GPC5: variants seen among roughly 807,000 people sequenced by gnomAD.
The protein encoded by GPC5 is glypican-5.
A neutral mutation model predicts 53.9 loss-of-function variants in GPC5; 47 were observed. The ratio of observed to expected loss-of-function variants is 0.87; its 90% confidence interval spans 0.69 to 1.11. GPC5 has a LOEUF of 1.11. Among genes scored for constraint, GPC5 ranks in the 50% most tolerant of loss-of-function variants. The probability of loss-of-function intolerance (pLI) is 0.00; values close to 1 mark genes in which losing one functional copy is unlikely to be tolerated. For missense variants in GPC5, 748 were observed against 713.1 expected (o/e 1.05, Z -0.56); for synonymous variants, 286 against 263.3 (o/e 1.09, Z -0.84).
intron 6 of GPC5, among the ~76,000 whole-genome samples, chr13:91,921,328 T>C (rs2039712018): frequency 6.6e-6 from 1 of 152,034 alleles, no homozygotes; most frequent in East Asian, 1.9e-4. Flanking sequence ...AAACATAACA[T>C]TGAATACATA....
At chr13:91,757,974 A>AT (rs1225487395) in intron 5 of GPC5, among the ~76,000 whole-genome samples, 2 of 152,174 alleles carry the variant, frequency 1.3e-5, no homozygotes, top group Non-Finnish European at 2.9e-5. Context: ...GTTAAAAGCT[A>AT]CATTCCTGAA....
chr13:92,303,337 A>C (rs542394413), intron 7 of GPC5, among the ~76,000 whole-genome samples: 1 of 152,224 alleles, frequency 6.6e-6, no homozygotes, highest in Non-Finnish European at 1.5e-5. Context: ...ATAACCAAAA[A>C]GGTTTAATGT....
chr13:91,832,637 C>A (rs181648050), intron 5 of GPC5, among the ~76,000 whole-genome samples: 1 of 151,538 alleles, frequency 6.6e-6, no homozygotes, highest in Non-Finnish European at 1.5e-5. Context: ...CTCTCCTGAA[C>A]GACTACTGGG....
intron 6 of GPC5, among the ~76,000 whole-genome samples, chr13:91,948,756 T>G (rs574427675): frequency 6.6e-6 from 1 of 152,350 alleles, no homozygotes; most frequent in Non-Finnish European, 1.5e-5. Flanking sequence ...TGTAACAAAC[T>G]GGGTTATATT....
Position 91,728,647 on chromosome 13 carries a change from C to A in GPC5, c.1136C>A (p.Thr379Lys). Residue 379 changes from threonine to lysine, a missense_variant, in exon 4 of 8, where the codon ACG becomes AAG. Thr to Lys is a moderately conservative substitution (Grantham distance 78, BLOSUM62 -1). Coordinates refer to ENST00000377067, the MANE Select transcript of GPC5 (RefSeq NM_004466.6). ...MKTTTRNSEE[T>K]LANRRKEFIN... ...ACCACCACAAGGAACAGTGAAGAGA[C>A]GCTTGCCAACAGAAGAAAGTAAGAC... The A allele has an allele frequency of 6.2e-7, 1 of 1,610,044 alleles. No individual in the cohort carries two copies. The highest frequency in any genetic ancestry group is 8.5e-7 in the Non-Finnish European group (1 of 1,178,040).
chr13:92,448,388 A>G (rs753030995), intron 7 of GPC5: 1 of 152,262 alleles, frequency 6.6e-6, no homozygotes, highest in South Asian at 2.1e-4. Flanking sequence ...GTGTGCTTAT[A>G]AAATGTACAT....
At chr13:91,518,779 T>G (rs771908729) in intron 2 of GPC5, among the ~76,000 whole-genome samples, 1 of 152,216 alleles carries the variant, frequency 6.6e-6, no homozygotes, top group African/African-American at 2.4e-5. Context: ...GGACTCGATC[T>G]CCTGACCTTG....
intron 7 of GPC5, among the ~76,000 whole-genome samples, chr13:92,486,977 T>C (rs567168956): frequency 2.4e-4 from 37 of 152,168 alleles, no homozygotes; most frequent in Admixed American, 2.3e-3. Context: ...TGTCTCAGCC[T>C]CTCAAGTAGC....
Position 92,473,350 on chromosome 13 carries a change from G to T in GPC5, c.1561+328361G>T, listed in dbSNP as rs189459379. 1.4e-3 allele frequency among the ~76,000 whole-genome samples: 212 copies of T among 152,172 alleles called. 1 individual carries two copies. The highest frequency in any genetic ancestry group is 4.9e-3 in the African/African-American group (205 of 41,562). Reference sequence around the variant, plus strand: ...TACTCGATCACACTGTTTCTCTTCAGCTCCAGTGTAGTGATTGAAGTCTTG... The same window carrying T: ...TACTCGATCACACTGTTTCTCTTCATCTCCAGTGTAGTGATTGAAGTCTTG... On this transcript the variant is annotated intron_variant, in intron 7 of 7. Coordinates refer to ENST00000377067, the MANE Select transcript of GPC5 (RefSeq NM_004466.6).
At chr13:91,803,781 G>GACAGAC (rs1555286643) in intron 5 of GPC5, among the ~76,000 whole-genome samples, 15 of 147,542 alleles carry the variant, frequency 1.0e-4, no homozygotes, top group African/African-American at 2.3e-4. Context: ...CAGACAGACA[G>GACAGAC]ACACACACAC....
intron 7 of GPC5, among the ~76,000 whole-genome samples, chr13:92,719,176 C>CCCA (rs930428211): frequency 6.6e-6 from 1 of 150,564 alleles, no homozygotes; most frequent in African/African-American, 2.4e-5. Context: ...AGCCCCCCCC[C>CCCA]ACATAATGAT....
At chr13:91,963,952 T>C (rs909642280) in intron 6 of GPC5, among the ~76,000 whole-genome samples, 4 of 152,126 alleles carry the variant, frequency 2.6e-5, no homozygotes, top group African/African-American at 9.7e-5. Flanking sequence ...TGGAAGACAG[T>C]GTGGGGATTC....
At chr13:92,820,312 C>T (rs763580465) in intron 7 of GPC5, among the ~76,000 whole-genome samples, 3 of 152,164 alleles carry the variant, frequency 2.0e-5, no homozygotes, top group Non-Finnish European at 4.4e-5. Context: ...CACATTTAAG[C>T]AATGATTACA....
At position 92,090,235 on chromosome 13, in the gene GPC5, T is replaced by C. The variant is rs531878307; in HGVS notation, c.1402-54595T>C. 2.0e-5 allele frequency among the ~76,000 whole-genome samples: 3 copies of C among 152,318 alleles called. No individual in the cohort carries two copies. In the South Asian group the frequency reaches 6.2e-4, roughly 32 times the overall value. ...GAAATATTTCTCTAGAGGCATAAAA[T>C]ATATTGCCATTTTTGAAAACCAGAT... is the stretch of plus-strand genomic sequence containing the variant. On this transcript the variant is annotated intron_variant, in intron 6 of 7. Transcript: ENST00000377067.
chr13:92,057,150 G>A (rs1485955006), intron 6 of GPC5, among the ~76,000 whole-genome samples: 1 of 152,150 alleles, frequency 6.6e-6, no homozygotes. Flanking sequence ...GATGGCAATA[G>A]ATTTGTGACT....
chr13:91,804,057 G>T (rs1195465303), intron 5 of GPC5, among the ~76,000 whole-genome samples: 1 of 149,490 alleles, frequency 6.7e-6, no homozygotes, highest in Non-Finnish European at 1.5e-5. Context: ...TGCCCAGAAA[G>T]AAATACAACA....
chr13:92,455,420 T>C (rs1005875303), intron 7 of GPC5, among the ~76,000 whole-genome samples: 10 of 152,198 alleles, frequency 6.6e-5, no homozygotes, highest in Admixed American at 6.6e-4. Flanking sequence ...AAAAATTAAA[T>C]GAATACCACT....
intron 7 of GPC5, among the ~76,000 whole-genome samples, chr13:92,174,755 A>T (rs551570780): frequency 1.3e-5 from 2 of 152,124 alleles, no homozygotes; most frequent in African/African-American, 2.4e-5. Flanking sequence ...TGTGCAGAAG[A>T]AAAAACAAAT....
intron 7 of GPC5, among the ~76,000 whole-genome samples, chr13:92,307,409 G>A (rs919642543): frequency 7.2e-5 from 11 of 152,158 alleles, no homozygotes; most frequent in African/African-American, 1.2e-4. Context: ...AGCCGAGATC[G>A]TGCCATGGCA....
Sources: allele counts gnomAD v4.1 joint callset (sites outside exome capture counted in the v4.1 genomes callset), GRCh38; gene constraint gnomAD v4.1.1; transcripts MANE v1.5; gene names NCBI Gene and HGNC (gene_info 2026-07-23, HGNC 2026-07-21).